The following IMMP2L variants were observed in gnomAD, a reference collection of about 807,000 sequenced individuals.
The protein encoded by IMMP2L is inner mitochondrial membrane peptidase subunit 2, also known as mitochondrial inner membrane protease subunit 2.
A neutral mutation model predicts 19.3 loss-of-function variants in IMMP2L; 18 were observed. The observed-to-expected ratio is 0.93, with a 90% CI of 0.64 to 1.38. The LOEUF is 1.38. Among genes scored for constraint, IMMP2L ranks in the 40% most tolerant of loss-of-function variants. IMMP2L has a pLI of 0.00. For missense variants in IMMP2L, 233 were observed against 218.2 expected (o/e 1.07, Z -0.43); for synonymous variants, 76 against 73.0 (o/e 1.04, Z -0.21).
rs766437967 is a variant in IMMP2L at position 111,510,394 on chromosome 7, A to G, written c.135+10919T>C. Reference sequence around the variant, plus strand: ...ATTATATACATACATATACATAAATATAGATATAGATATTGATACAGATAT... The same window carrying G: ...ATTATATACATACATATACATAAATGTAGATATAGATATTGATACAGATAT... On this transcript the variant is annotated intron_variant, in intron 2 of 5. Transcript: ENST00000405709. Among the ~76,000 whole-genome samples, 83 of 152,080 alleles carry G rather than the reference A, an allele frequency of 5.5e-4. 1 individual carries two copies. Among genetic ancestry groups the G allele is most frequent in the Non-Finnish European group, 2.4e-4 (16 of 68,008 alleles).
intron 1 of IMMP2L, among the ~76,000 whole-genome samples, chr7:111,545,575 G>A (rs1227859374): frequency 6.6e-6 from 1 of 152,060 alleles, no homozygotes; most frequent in Admixed American, 6.6e-5. Context: ...TAGTAGAGAC[G>A]GGGTTTCACC....
At chr7:111,092,559 G>C (rs1307916030) in intron 3 of IMMP2L, among the ~76,000 whole-genome samples, 3 of 152,128 alleles carry the variant, frequency 2.0e-5, no homozygotes, top group Non-Finnish European at 2.9e-5. Flanking sequence ...CTAGAAAATA[G>C]TGTGCTCTGG....
At chr7:111,372,280 A>T (rs1830322692) in intron 3 of IMMP2L, among the ~76,000 whole-genome samples, 1 of 152,052 alleles carries the variant, frequency 6.6e-6, no homozygotes, top group Non-Finnish European at 1.5e-5. Flanking sequence ...CACAAAAATT[A>T]AAATAAAAAA....
chr7:111,378,451 C>T (rs1830894504), intron 3 of IMMP2L, among the ~76,000 whole-genome samples: 1 of 151,818 alleles, frequency 6.6e-6, no homozygotes, highest in Non-Finnish European at 1.5e-5. Context: ...TATAATAATA[C>T]TTCACATTTA....
chr7:111,171,651 G>C (rs887236820), intron 3 of IMMP2L, among the ~76,000 whole-genome samples: 6 of 151,484 alleles, frequency 4.0e-5, no homozygotes, highest in African/African-American at 1.2e-4. Flanking sequence ...AGGGAAAAAA[G>C]ATTAATATCC....
chr7:111,502,095 C>T (rs151093084), intron 2 of IMMP2L, among the ~76,000 whole-genome samples: 3,037 of 152,162 alleles, frequency 0.02, 104 homozygotes, highest in African/African-American at 0.069. Flanking sequence ...CAGAGACACA[C>T]ATAGGCTCAA....
At chr7:111,044,073 C>A (rs2129571430) in intron 3 of IMMP2L, among the ~76,000 whole-genome samples, 1 of 152,348 alleles carries the variant, frequency 6.6e-6, no homozygotes. Flanking sequence ...ACTATATTCT[C>A]TGAACCATTT....
rs1796009881 is a variant in IMMP2L at position 110,727,965 on chromosome 7, A to C, written c.409-64244T>G. Among the ~76,000 whole-genome samples the C allele has an allele frequency of 6.6e-6, 1 of 152,220 alleles. No homozygotes were observed. The highest frequency in any genetic ancestry group is 1.5e-5 in the Non-Finnish European group (1 of 68,044). On this transcript the variant is annotated intron_variant, in intron 5 of 5. Transcript: ENST00000405709. This position sits in a 1 kb window ranked among gnomAD's most constrained non-coding sequence, Gnocchi z 4.3. ...TACCCACACACATGTAATTCTGCTC[A>C]CTTCTGTTAACATTGTAAAAGGCAG...
intron 5 of IMMP2L, among the ~76,000 whole-genome samples, chr7:110,674,975 A>T (rs148685212): frequency 6.6e-6 from 1 of 152,148 alleles, no homozygotes. Flanking sequence ...AGCCAGTCCA[A>T]TTCATATCCA....
intron 3 of IMMP2L, among the ~76,000 whole-genome samples, chr7:111,066,204 A>T (rs1376456384): frequency 6.6e-6 from 1 of 151,868 alleles, no homozygotes; most frequent in East Asian, 1.9e-4. Context: ...GCTGGTCTTG[A>T]ACTCCTGACC....
At chr7:110,776,930 T>C (rs1477841012) in intron 5 of IMMP2L, among the ~76,000 whole-genome samples, 1 of 151,996 alleles carries the variant, frequency 6.6e-6, no homozygotes. Context: ...CCCCACTGAT[T>C]TTGTGTTTCT....
chr7:111,512,996 T>G (rs554238245), intron 2 of IMMP2L, among the ~76,000 whole-genome samples: 4 of 151,950 alleles, frequency 2.6e-5, no homozygotes. Context: ...TAAAACTACC[T>G]GAAACTGTAA....
chr7:111,373,826 C>T (rs1294923977), intron 3 of IMMP2L, among the ~76,000 whole-genome samples: 1 of 151,934 alleles, frequency 6.6e-6, no homozygotes, highest in Admixed American at 6.6e-5. Flanking sequence ...GAATGAAGAA[C>T]ACGAGAAAAT....
chr7:110,957,822 T>C (rs952038348), intron 4 of IMMP2L, among the ~76,000 whole-genome samples: 1 of 152,040 alleles, frequency 6.6e-6, no homozygotes, highest in African/African-American at 2.4e-5. Flanking sequence ...AAGTTTTCAG[T>C]GAACATCCTA....
chr7:111,120,522 A>G (rs971961873), intron 3 of IMMP2L, among the ~76,000 whole-genome samples: 3 of 152,188 alleles, frequency 2.0e-5, no homozygotes, highest in African/African-American at 7.2e-5. Flanking sequence ...CTACAATTCA[A>G]GATGAGATTT....
chr7:110,799,226 C>T (rs1005496956), intron 5 of IMMP2L, among the ~76,000 whole-genome samples: 4 of 151,984 alleles, frequency 2.6e-5, no homozygotes, highest in African/African-American at 9.7e-5. Context: ...CTGCTAACTG[C>T]ATGCTTACCA....
intron 5 of IMMP2L, among the ~76,000 whole-genome samples, chr7:110,796,927 G>T (rs1168505575): frequency 6.6e-6 from 1 of 151,918 alleles, no homozygotes; most frequent in African/African-American, 2.4e-5. Flanking sequence ...TGCTTATTGC[G>T]ACCTCAGCAA....
intron 5 of IMMP2L, among the ~76,000 whole-genome samples, chr7:110,751,396 A>G (rs557162012): frequency 1.1e-3 from 171 of 151,814 alleles, no homozygotes; most frequent in African/African-American, 4.0e-3. Flanking sequence ...AGATGTTTCA[A>G]CTGATTTTTC....
At chr7:110,917,919 G>GA (rs1324258191) in intron 4 of IMMP2L, among the ~76,000 whole-genome samples, 2 of 152,040 alleles carry the variant, frequency 1.3e-5, no homozygotes, top group East Asian at 3.9e-4. Flanking sequence ...ATCATACATA[G>GA]AAAAATATGT....
Sources: allele counts gnomAD v4.1 joint callset (sites outside exome capture counted in the v4.1 genomes callset), GRCh38; gene constraint gnomAD v4.1.1; non-coding constraint Gnocchi (gnomAD v3.1); transcripts MANE v1.5; gene names NCBI Gene and HGNC (gene_info 2026-07-23, HGNC 2026-07-21).